Variants in MMD observed in about 807,000 individuals in gnomAD.
The protein encoded by MMD is monocyte to macrophage differentiation factor.
A neutral mutation model predicts 33.6 loss-of-function variants in MMD; 22 were observed. The ratio of observed to expected loss-of-function variants is 0.66; its 90% CI spans 0.47 to 0.94. The LOEUF is 0.94. Among genes scored for constraint, MMD ranks in the 40% least tolerant of loss-of-function variants. The pLI is 0.00. For synonymous variants in MMD, 97 were observed against 103.2 expected, an observed-to-expected ratio of 0.94 and a Z score of 0.36; for missense variants, 242 against 309.8, an observed-to-expected ratio of 0.78 and a Z score of 1.64.
At chr17:55,402,841 G>C (rs1348478796) in intron 5 of MMD, among the ~76,000 whole-genome samples, 1 of 152,214 alleles carries the variant, frequency 6.6e-6, no homozygotes, top group Non-Finnish European at 1.5e-5. Context: ...AGGTATTTAA[G>C]TGAATTTCAG....
At chr17:55,398,288 C>G (rs1187175473) in intron 6 of MMD, among the ~76,000 whole-genome samples, 1 of 151,634 alleles carries the variant, frequency 6.6e-6, no homozygotes, top group Non-Finnish European at 1.5e-5. Context: ...TCTGCAATAT[C>G]CAATCTGTTA....
chr17:55,397,726 G>A (rs1408884658), intron 6 of MMD, among the ~76,000 whole-genome samples: 1 of 151,804 alleles, frequency 6.6e-6, no homozygotes, highest in East Asian at 1.9e-4. Flanking sequence ...ATTTTTAGTA[G>A]AGACAGGGTT....
chr17:55,401,190 C>T (rs949841341), intron 6 of MMD, among the ~76,000 whole-genome samples: 3 of 152,128 alleles, frequency 2.0e-5, no homozygotes, highest in Non-Finnish European at 2.9e-5. Context: ...GACAGGGTCT[C>T]GCTCTGTTCC....
rs1907300096 is a variant in MMD at position 55,400,850 on chromosome 17, T to C, written c.516+619A>G. On this transcript the variant is annotated intron_variant, in intron 6 of 6. Coordinates refer to ENST00000262065, the MANE Select transcript of MMD (RefSeq NM_012329.3). ...GGGAATTCAAATATATACATGCAAC[T>C]GCCTATTACAGGTAATGTTACACTT... Among the ~76,000 whole-genome samples, 4 of 152,020 alleles carry C rather than the reference T, an allele frequency of 2.6e-5. No homozygotes were observed. In the South Asian group the frequency reaches 8.3e-4, roughly 32 times the overall value.
intron 6 of MMD, among the ~76,000 whole-genome samples, chr17:55,400,864 A>G (rs917019178): frequency 6.6e-6 from 1 of 152,226 alleles, no homozygotes; most frequent in African/African-American, 2.4e-5. Context: ...TATTACAGGT[A>G]ATGTTACACT....
At chr17:55,399,266 T>C (rs1183569899) in intron 6 of MMD, among the ~76,000 whole-genome samples, 1 of 152,206 alleles carries the variant, frequency 6.6e-6, no homozygotes, top group Admixed American at 6.5e-5. Flanking sequence ...GTTGCCTTTA[T>C]TCTTTTTCTA....
intron 6 of MMD, among the ~76,000 whole-genome samples, chr17:55,398,948 C>T (rs561348260): frequency 6.6e-6 from 1 of 152,314 alleles, no homozygotes; most frequent in African/African-American, 2.4e-5. Context: ...TTGGCCCGTA[C>T]AACATTCAGC....
intron 1 of MMD, among the ~76,000 whole-genome samples, chr17:55,414,666 T>C (rs1481679433): frequency 6.6e-6 from 1 of 151,670 alleles, no homozygotes; most frequent in Admixed American, 6.6e-5. Context: ...AGGGATACAC[T>C]ACATTTGAAA....
rs1014812787 is a variant in MMD, at chr17:55,392,807, G to A, written c.*1527C>T. The A allele has an allele frequency of 2.6e-5, 4 of 152,300 alleles. No individual in the cohort carries two copies. Among genetic ancestry groups the A allele is most frequent in the Non-Finnish European group, 4.4e-5 (3 of 68,026 alleles). 9.4% of individuals were successfully genotyped at this position (152,300 alleles called of 1,614,324 possible). On this transcript the variant is annotated 3_prime_UTR_variant, in exon 7 of 7. Coordinates refer to ENST00000262065, the MANE Select transcript of MMD (RefSeq NM_012329.3). ...TCATGCAGATAGGAGTGGTTTGGTT[G>A]GTGTTATCACTGGGTACCTTGCCTA...
At chr17:55,395,486 G>A (rs1032541493) in intron 6 of MMD, among the ~76,000 whole-genome samples, 3 of 152,174 alleles carry the variant, frequency 2.0e-5, no homozygotes, top group South Asian at 2.1e-4. Flanking sequence ...TGTGTGCCCC[G>A]CAAGAGTAAA....
intron 3 of MMD, among the ~76,000 whole-genome samples, chr17:55,408,955 C>G (rs143391837): frequency 2.0e-5 from 3 of 152,006 alleles, no homozygotes; most frequent in Non-Finnish European, 4.4e-5. Context: ...GAGCTGAGAT[C>G]GCACCACTGC....
chr17:55,402,104 A>G (rs1907364071), intron 5 of MMD, among the ~76,000 whole-genome samples: 1 of 145,946 alleles, frequency 6.9e-6, no homozygotes, highest in Non-Finnish European at 1.5e-5. Context: ...AAAAAAAAAA[A>G]GAAAAGAAAA....
intron 1 of MMD, among the ~76,000 whole-genome samples, chr17:55,415,276 T>TAA (rs202102909): frequency 7.2e-6 from 1 of 139,334 alleles, no homozygotes. Flanking sequence ...CAGACGGACG[T>TAA]AAAAAAAAAA....
chr17:55,411,194 A>C (rs1907746548), intron 3 of MMD, 63 bp downstream of exon 3: 1 of 1,536,028 alleles, frequency 6.5e-7, no homozygotes, highest in Non-Finnish European at 8.8e-7. Context: ...CCAGCTTGGA[A>C]GGGTACCAAA....
chr17:55,412,913 C>A (rs1325256659), intron 2 of MMD, among the ~76,000 whole-genome samples: 1 of 152,162 alleles, frequency 6.6e-6, no homozygotes, highest in Non-Finnish European at 1.5e-5. Flanking sequence ...GTTAAAGTAT[C>A]TTCTCTTCAA....
intron 4 of MMD, chr17:55,404,505 T>C (rs552202025): frequency 8.1e-6 from 8 of 985,308 alleles, no homozygotes; most frequent in South Asian, 9.4e-5. Flanking sequence ...TTTCTGACCA[T>C]GTATTTGGGA....
intron 4 of MMD, 138 bp from the exon 5 acceptor site, chr17:55,404,006 G>C (rs1341623087): frequency 1.6e-6 from 1 of 642,786 alleles, no homozygotes; most frequent in Non-Finnish European, 2.6e-6. Context: ...CAGGCATTTG[G>C]GCAATTTAGG....
intron 4 of MMD, among the ~76,000 whole-genome samples, chr17:55,404,956 G>A (rs1478942929): frequency 1.3e-5 from 2 of 152,078 alleles, no homozygotes; most frequent in Non-Finnish European, 2.9e-5. Context: ...CAGCTACTAG[G>A]GAGGCTGAGG....
chr17:55,401,826 C>A (rs1367145974), intron 5 of MMD, among the ~76,000 whole-genome samples: 2 of 152,104 alleles, frequency 1.3e-5, no homozygotes, highest in Non-Finnish European at 2.9e-5. Context: ...GTAATCCCAG[C>A]ACTTTGGGAA....
Sources: allele counts gnomAD v4.1 joint callset (sites outside exome capture counted in the v4.1 genomes callset), GRCh38; gene constraint gnomAD v4.1.1; transcripts MANE v1.5; gene names NCBI Gene and HGNC (gene_info 2026-07-23, HGNC 2026-07-21).